The following NCKIPSD variants were observed in gnomAD, a reference collection of about 807,000 sequenced individuals.
The protein encoded by NCKIPSD is NCK-interacting protein with SH3 domain.
A neutral mutation model predicts 73.4 loss-of-function variants in NCKIPSD; 48 were observed. The ratio of observed to expected loss-of-function variants is 0.65; its 90% confidence interval spans 0.52 to 0.83. The LOEUF is 0.83. Ranked by LOEUF, NCKIPSD falls within the 40% of genes least tolerant of loss-of-function variation. The pLI is 0.00. For synonymous variants in NCKIPSD, 422 were observed against 403.6 expected, an observed-to-expected ratio of 1.05 and a Z score of -0.54; for missense variants, 884 against 970.2, an observed-to-expected ratio of 0.91 and a Z score of 1.18.
At chr3:48,679,963 A>AT (rs772848439) in intron 6 of NCKIPSD, 76 bp from the exon 7 acceptor site, 119 of 1,611,948 alleles carry the variant, frequency 7.4e-5, no homozygotes, top group Non-Finnish European at 9.8e-5. Flanking sequence ...GGCTGAGCAC[A>AT]TATGTGTAGG....
At position 48,682,145 on chromosome 3, in the gene NCKIPSD, T is replaced by G. The variant is rs770994046; in HGVS notation, c.498A>C (p.Pro166=). 1 of 1,597,184 alleles carries G rather than the reference T, an allele frequency of 6.3e-7. No individual in the cohort carries two copies. Among genetic ancestry groups the G allele is most frequent in the Admixed American group, 1.7e-5 (1 of 59,148 alleles). ...ADGGLYQIPL[P]SSQIPPQPRR... ...GAGGCTGTGGTGGGATCTGGGAAGA[T>G]GGAAGTGGGATCTGGAAGATGGAAG... Residue 166 remains proline, a synonymous_variant, in exon 4 of 13, where the codon CCA becomes CCC. Coordinates refer to ENST00000294129, the MANE Select transcript of NCKIPSD (RefSeq NM_016453.4).
chr3:48,685,261 G>A (rs550759752), intron 1 of NCKIPSD, among the ~76,000 whole-genome samples: 43 of 150,518 alleles, frequency 2.9e-4, no homozygotes, highest in African/African-American at 9.8e-4. Flanking sequence ...ATCCAGAGAA[G>A]GGGCATATTA....
rs1478031636 is a variant in NCKIPSD, at chr3:48,681,721, T to C, written c.658A>G (p.Ser220Gly). The change falls in exon 5 of 13, where the codon AGC becomes GGC. Residue 220 changes from serine (S) to glycine (G), a missense_variant. Physicochemically the swap from Ser to Gly is moderately conservative, Grantham distance 56. Transcript: ENST00000294129. ...GTATAGAGCGTGTCCAGGGAGGTGC[T>C]GCTGACTGAGGAGCCGCTGGACACA... ...NSVSSGSSVSSTSLDTLYTSS... is the reference protein window; with the variant it reads ...NSVSSGSSVSGTSLDTLYTSS... The C allele has an allele frequency of 6.5e-7, 1 of 1,548,062 alleles. No individual in the cohort carries two copies. The highest frequency in any genetic ancestry group is 8.7e-7 in the Non-Finnish European group (1 of 1,147,986).
intron 9 of NCKIPSD, 56 bp from the exon 10 acceptor site, chr3:48,679,239 A>G: frequency 6.2e-7 from 1 of 1,608,702 alleles, no homozygotes; most frequent in East Asian, 2.2e-5. Context: ...CCCCCGCACC[A>G]CCCACCCTTC....
chr3:48,681,223 CA>C, intron 5 of NCKIPSD, 63 bp downstream of exon 5: 1 of 1,510,904 alleles, frequency 6.6e-7, no homozygotes, highest in Non-Finnish European at 8.8e-7. Flanking sequence ...ACAGGCTGGA[CA>C]AGTGTGTGAC....
chr3:48,679,597 C>G lies in NCKIPSD; in HGVS notation c.1467G>C (p.Arg489Ser). ...VSSVLPVELARDMQTDTQDHQ... is the reference protein window; with the variant it reads ...VSSVLPVELASDMQTDTQDHQ... ...CACCCTGCGTGTCTGTCTGCATGTCCCTCGCCAGCTCTACAGGCAGCACGG... is the reference window on the plus strand; with the variant it reads ...CACCCTGCGTGTCTGTCTGCATGTCGCTCGCCAGCTCTACAGGCAGCACGG... The change falls in exon 8 of 13, where the codon AGG becomes AGC. Residue 489 changes from arginine (R) to serine (S), a missense_variant. Transcript: ENST00000294129. 1 of 1,614,194 alleles carries G rather than the reference C, an allele frequency of 6.2e-7. No individual in the cohort carries two copies. The highest frequency in any genetic ancestry group is 8.5e-7 in the Non-Finnish European group (1 of 1,180,022).
intron 12 of NCKIPSD, among the ~76,000 whole-genome samples, chr3:48,678,327 C>T (rs897882656): frequency 6.6e-6 from 1 of 152,162 alleles, no homozygotes; most frequent in African/African-American, 2.4e-5. Context: ...GTGTAAACTC[C>T]ATCCTCCATG....
In NCKIPSD at chr3:48,679,814, GCCA is replaced by G; in HGVS notation, c.1334_1336del (p.Val445del). On this transcript the variant is annotated inframe_deletion, in exon 7 of 13. Transcript: ENST00000294129. ...TCCTGCACATACCATTTGGTAATAG[GCCA>G]CCAAGGCCAGGACAGACTCGAACTC... 6.2e-7 allele frequency: 1 copy of G among 1,614,192 alleles called. No individual in the cohort carries two copies. Among genetic ancestry groups the G allele is most frequent in the Non-Finnish European group, 8.5e-7 (1 of 1,180,024 alleles).
rs1271275949 is a variant in NCKIPSD, at chr3:48,678,923, A to G, written c.1746T>C (p.Asn582=). ...VIMAALSKHA[N]VKIFSEKLLL... ...ACAGCTTCTCGGAGAAGATCTTGAC[A>G]TTGGCGTGTTTGCTCAGGGCAGCCA... is the stretch of plus-strand genomic sequence containing the variant. The change falls in exon 11 of 13, where the codon AAT becomes AAC. Residue 582 remains asparagine, a synonymous_variant. Transcript: ENST00000294129. The G allele has an allele frequency of 6.8e-6, 11 of 1,614,000 alleles. No homozygotes were observed. Among genetic ancestry groups the G allele is most frequent in the Admixed American group, 1.7e-5 (1 of 60,014 alleles).
At chr3:48,684,718 C>T (rs1340063036) in intron 1 of NCKIPSD, among the ~76,000 whole-genome samples, 1 of 152,204 alleles carries the variant, frequency 6.6e-6, no homozygotes, top group African/African-American at 2.4e-5. Flanking sequence ...ACCCCCGCAG[C>T]AGGGCTACTC....
intron 4 of NCKIPSD, 38 bp downstream of exon 4, chr3:48,682,007 G>A: frequency 6.3e-7 from 1 of 1,578,528 alleles, no homozygotes; most frequent in Non-Finnish European, 8.6e-7. Context: ...CAAGCATAGG[G>A]TGCCTCCACC....
chr3:48,684,848 G>C (rs1479932074), intron 1 of NCKIPSD, among the ~76,000 whole-genome samples: 1 of 152,166 alleles, frequency 6.6e-6, no homozygotes, highest in African/African-American at 2.4e-5. Flanking sequence ...CTCCAGGCTG[G>C]GAACAAGTAG....
Position 48,682,524 on chromosome 3 carries a change from G to C in NCKIPSD, c.310C>G (p.Leu104Val), listed in dbSNP as rs778621690. 1.2e-6 allele frequency: 2 copies of C among 1,613,992 alleles called. No individual in the cohort carries two copies. Among genetic ancestry groups the C allele is most frequent in the East Asian group, 2.2e-5 (1 of 44,892 alleles). ...QKLIHHRKETLSRRGPSASSV... is the reference protein window; with the variant it reads ...QKLIHHRKETVSRRGPSASSV... ...GAGGCTGAAGGGCCTCTGCGTGACA[G>C]GGTCTCTTTCCGGTGGTGGATCAGC... Residue 104 changes from leucine to valine, a missense_variant, in exon 3 of 13, where the codon CTG (leucine) becomes GTG (valine). Leu to Val is a conservative substitution (Grantham distance 32). Transcript: ENST00000294129.
rs199923441 is a variant in NCKIPSD at position 48,679,836 on chromosome 3, C to T, written c.1315G>A (p.Glu439Lys). Reference protein sequence around the residue: ...CKKMCKRNEFESVLALVAYYQ... With the variant: ...CKKMCKRNEFKSVLALVAYYQ... ...TAGGCCACCAAGGCCAGGACAGACT[C>T]GAACTCGTTTCTCTTGCACATTTTC... Residue 439 changes from glutamate (E) to lysine (K), a missense_variant, in exon 7 of 13, where the codon GAG becomes AAG. Glu to Lys is a moderately conservative substitution (Grantham distance 56, BLOSUM62 1). Coordinates refer to ENST00000294129, the MANE Select transcript of NCKIPSD (RefSeq NM_016453.4). 1.6e-4 allele frequency: 260 copies of T among 1,614,242 alleles called. 1 individual carries two copies. Among genetic ancestry groups the T allele is most frequent in the South Asian group, 1.5e-3 (140 of 91,088 alleles).
In NCKIPSD at chr3:48,679,686, G is replaced by T. The variant is rs754018978; in HGVS notation, c.1378C>A (p.Leu460Ile). 1.9e-6 allele frequency: 3 copies of T among 1,614,206 alleles called. No homozygotes were observed. The South Asian group carries it at 3.3e-5, about 18-fold the overall frequency. The change falls in exon 8 of 13, where the codon CTC becomes ATC. Residue 460 changes from leucine (L) to isoleucine (I), a missense_variant. Physicochemically the swap from Leu to Ile is conservative, Grantham distance 5. Transcript: ENST00000294129. ...MEHRASLRLL[L>I]LKCFGAMCSL... ...CACATGGCGCCAAAGCACTTGAGGA[G>T]CAGCAGCCGCAGTGATGCTCGGTGT... is the stretch of plus-strand genomic sequence containing the variant.
chr3:48,680,331 T>A (rs1321118483), intron 5 of NCKIPSD, 102 bp from the exon 6 acceptor site: 17 of 1,305,650 alleles, frequency 1.3e-5, no homozygotes, highest in African/African-American at 3.0e-5. Flanking sequence ...TTTTACTCCA[T>A]GAACTCAAGT....
chr3:48,685,588 G>A lies in NCKIPSD; in HGVS notation c.171+49C>T, dbSNP rs762868258. 3.2e-5 allele frequency: 48 copies of A among 1,484,496 alleles called. No individual in the cohort carries two copies. The African/African-American group carries it at 6.3e-4, about 19-fold the overall frequency. The allele number at this position is 1,484,496 out of a possible 1,614,324, so 92.0% of individuals were successfully genotyped here. A position where few individuals can be genotyped will look rare whatever the true frequency, so the allele number is the denominator to read the frequency against. On this transcript the variant is annotated intron_variant, in intron 1 of 12. Coordinates refer to ENST00000294129, the MANE Select transcript of NCKIPSD (RefSeq NM_016453.4). ...GGGTCGGTTCCGCGGGGCTGTGAAG[G>A]GGTCCTGCCCCAGGGGCGCGGAGGC... is the stretch of plus-strand genomic sequence containing the variant.
At chr3:48,675,331 G>A (rs1040872871) in intron 12 of NCKIPSD, among the ~76,000 whole-genome samples, 3 of 151,464 alleles carry the variant, frequency 2.0e-5, no homozygotes, top group African/African-American at 7.3e-5. Flanking sequence ...CTGAAATATG[G>A]TGTCCTCTTT....
rs1265630803 is a variant in NCKIPSD, at chr3:48,679,898, G to A, written c.1264-11C>T. ...AGGGTCTGCATCAGTCTACAGAAATGAGGAAGTGAGAGCATCAGCCACCAT... is the reference window on the plus strand; with the variant it reads ...AGGGTCTGCATCAGTCTACAGAAATAAGGAAGTGAGAGCATCAGCCACCAT... On this transcript the variant is annotated splice_polypyrimidine_tract_variant and intron_variant, in intron 6 of 12. Transcript: ENST00000294129. The A allele has an allele frequency of 2.5e-6, 4 of 1,614,032 alleles. No homozygotes were observed. In the Admixed American group the frequency reaches 6.7e-5, roughly 27 times the overall value.
Sources: allele counts gnomAD v4.1 joint callset (sites outside exome capture counted in the v4.1 genomes callset), GRCh38; gene constraint gnomAD v4.1.1; transcripts MANE v1.5; gene names NCBI Gene and HGNC (gene_info 2026-07-23, HGNC 2026-07-21).